Variants in LRRN4 observed in about 807,000 individuals in gnomAD.
LRRN4 encodes the protein leucine-rich repeat neuronal protein 4.
In LRRN4, 26 loss-of-function variants were observed where a neutral mutation model predicts 22.3. The observed-to-expected ratio is 1.16, with a 90% CI of 0.85 to 1.62. The LOEUF (loss-of-function observed/expected upper bound fraction) is 1.62, where lower values mean the gene tolerates loss of function less well. Among genes scored for constraint, LRRN4 ranks in the 40% most tolerant of loss-of-function variants. The probability of loss-of-function intolerance (pLI) is 0.00; values close to 1 mark genes in which losing one functional copy is unlikely to be tolerated. For synonymous variants in LRRN4, 496 were observed against 486.2 expected (o/e 1.02, Z -0.26); for missense variants, 1,070 against 1,008.5 (o/e 1.06, Z -0.83).
At position 6,052,195 on chromosome 20, in the gene LRRN4, G is replaced by C. The variant is rs1361060239; in HGVS notation, c.605C>G (p.Pro202Arg). The change falls in exon 2 of 5, where the codon CCC becomes CGC. Residue 202 changes from proline (P) to arginine (R), a missense_variant. Pro to Arg is a moderately radical substitution (Grantham distance 103). Coordinates refer to ENST00000378858, the MANE Select transcript of LRRN4 (RefSeq NM_152611.5). ...ATCCAGGACTTCGAGCGTGACCAGG[G>C]GCGCGCCATCCTCTCCAGCGAACGC... Reference protein sequence around the residue: ...EAAFAGEDGAPLVTLEVLDLS... With the variant: ...EAAFAGEDGARLVTLEVLDLS... The C allele has an allele frequency of 6.3e-7, 1 of 1,596,814 alleles. No individual in the cohort carries two copies. The highest frequency in any genetic ancestry group is 1.1e-5 in the South Asian group (1 of 88,158).
chr20:6,041,444 A>G lies in LRRN4; in HGVS notation c.1801T>C (p.Cys601Arg). Residue 601 changes from cysteine to arginine, a missense_variant, in exon 5 of 5, where the codon TGT (cysteine) becomes CGT (arginine). By Grantham distance (180) the Cys-to-Arg change is radical (BLOSUM62 -3). Transcript: ENST00000378858. This position sits in a 1 kb window ranked among gnomAD's most constrained non-coding sequence, Gnocchi z 9.4. The part of the protein sequence containing the change: ...TTDTSALVHW[C>R]APNSVVHGYQ... ...CCATGCACTACCGAGTTGGGGGCAC[A>G]CCAGTGGACCAGCGCCGACGTGTCC... 6.4e-7 allele frequency: 1 copy of G among 1,553,382 alleles called. No individual in the cohort carries two copies. The highest frequency in any genetic ancestry group is 8.7e-7 in the Non-Finnish European group (1 of 1,148,082).
chr20:6,048,625 G>A (rs1207663884), intron 3 of LRRN4, among the ~76,000 whole-genome samples: 2 of 152,210 alleles, frequency 1.3e-5, no homozygotes, highest in East Asian at 3.8e-4. Flanking sequence ...TGCTGCAAGA[G>A]TAAATACTTC....
chr20:6,047,475 C>T lies in LRRN4; in HGVS notation c.861-2795G>A, dbSNP rs577321230. On this transcript the variant is annotated intron_variant, in intron 3 of 4. Transcript: ENST00000378858. Reference sequence around the variant, plus strand: ...ACACACACACACACACACAGAGACACACACCACTCTTCTGGTAAGAGTGGA... The same window carrying T: ...ACACACACACACACACACAGAGACATACACCACTCTTCTGGTAAGAGTGGA... Among the ~76,000 whole-genome samples, 59 of 151,462 alleles carry T rather than the reference C, an allele frequency of 3.9e-4. No homozygotes were observed. In the East Asian group the frequency reaches 7.4e-3, roughly 19 times the overall value.
chr20:6,052,725 G>A lies in LRRN4; in HGVS notation c.75C>T (p.Val25=). The A allele has an allele frequency of 6.4e-7, 1 of 1,571,230 alleles. No individual in the cohort carries two copies. Among genetic ancestry groups the A allele is most frequent in the Non-Finnish European group, 8.6e-7 (1 of 1,166,118 alleles). Reference sequence around the variant, plus strand: ...CCTGCTGAGTGACCCGGAAGAGCGGGACCTTCTCCTGGGGAGGGTCTGCCC... The same window carrying A: ...CCTGCTGAGTGACCCGGAAGAGCGGAACCTTCTCCTGGGGAGGGTCTGCCC... The part of the protein sequence containing the change: ...PSWADPPQEK[V]PLFRVTQQGP... The change falls in exon 2 of 5, where the codon GTC becomes GTT. Residue 25 remains valine, a synonymous_variant. Transcript: ENST00000378858.
At chr20:6,044,807 AC>A in intron 3 of LRRN4, 127 bp from the exon 4 acceptor site, 1 of 854,822 alleles carries the variant, frequency 1.2e-6, no homozygotes, top group Non-Finnish European at 1.6e-6. Flanking sequence ...GTTGGAGAAT[AC>A]CGCTTTGGGC....
rs369201816 is a variant in LRRN4, at chr20:6,052,448, G to T, written c.352C>A (p.Pro118Thr). ...HNRIAALRWG[P>T]GGPAGLHTLD... Reference sequence around the variant, plus strand: ...GTGTGCAGCCCCGCCGGCCCACCCGGGCCCCAGCGCAGCGCGGCGATGCGG... The same window carrying T: ...GTGTGCAGCCCCGCCGGCCCACCCGTGCCCCAGCGCAGCGCGGCGATGCGG... The change falls in exon 2 of 5, where the codon CCG becomes ACG. Residue 118 changes from proline (P) to threonine (T), a missense_variant. Coordinates refer to ENST00000378858, the MANE Select transcript of LRRN4 (RefSeq NM_152611.5). 5.3e-4 allele frequency: 816 copies of T among 1,553,318 alleles called. No homozygotes were observed. The highest frequency in any genetic ancestry group is 6.9e-4 in the Non-Finnish European group (800 of 1,158,572).
chr20:6,041,822 A>G lies in LRRN4; in HGVS notation c.1423T>C (p.Ser475Pro). The change falls in exon 5 of 5, where the codon TCC (serine) becomes CCC (proline). Residue 475 changes from serine to proline, a missense_variant. By Grantham distance (74) the Ser-to-Pro change is moderately conservative. Coordinates refer to ENST00000378858, the MANE Select transcript of LRRN4 (RefSeq NM_152611.5). This position sits in a 1 kb window ranked among gnomAD's most constrained non-coding sequence, Gnocchi z 9.4. Reference sequence around the variant, plus strand: ...AGGAGCTTGCTGGCCAGTGGGGTGGAGGCAGCTGAGATATCAGGCTCAAGG... The same window carrying G: ...AGGAGCTTGCTGGCCAGTGGGGTGGGGGCAGCTGAGATATCAGGCTCAAGG... ...LVLEPDISAA[S>P]TPLASKLLGP... 1 of 1,614,056 alleles carries G rather than the reference A, an allele frequency of 6.2e-7. No individual in the cohort carries two copies. Among genetic ancestry groups the G allele is most frequent in the South Asian group, 1.1e-5 (1 of 91,076 alleles).
At position 6,053,912 on chromosome 20, in the gene LRRN4, C is replaced by G. The variant is rs1981326099; in HGVS notation, c.-88G>C. ...TTTGTTTTATAGATTCTAGGGACCA[C>G]TGATTTGGACAGCAACTCAGCTATG... On this transcript the variant is annotated 5_prime_UTR_variant, in exon 1 of 5. Coordinates refer to ENST00000378858, the MANE Select transcript of LRRN4 (RefSeq NM_152611.5). The G allele has an allele frequency of 6.6e-6, 1 of 152,256 alleles. No homozygotes were observed. The highest frequency in any genetic ancestry group is 2.4e-5 in the African/African-American group (1 of 41,448). 9.4% of individuals were successfully genotyped at this position (152,256 alleles called of 1,614,324 possible). A position where few individuals can be genotyped will look rare whatever the true frequency, so the allele number is the denominator to read the frequency against.
chr20:6,050,743 A>G, intron 3 of LRRN4, 36 bp downstream of exon 3: 2 of 1,590,584 alleles, frequency 1.3e-6, no homozygotes, highest in Non-Finnish European at 1.7e-6. Context: ...GGCAAAAATC[A>G]GTCATGTGAT....
intron 3 of LRRN4, among the ~76,000 whole-genome samples, chr20:6,048,115 C>T (rs375367452): frequency 2.0e-5 from 3 of 152,120 alleles, no homozygotes; most frequent in Non-Finnish European, 2.9e-5. Context: ...TGCCAAATCC[C>T]GTGGTCACCC....
chr20:6,051,509 G>A (rs144126851), intron 2 of LRRN4, among the ~76,000 whole-genome samples: 3 of 152,272 alleles, frequency 2.0e-5, no homozygotes, highest in African/African-American at 7.2e-5. Context: ...TGATGAAACA[G>A]GTGGTTGTAG....
In LRRN4 at chr20:6,047,430, A is replaced by T. The variant is rs6117046; in HGVS notation, c.861-2750T>A. On this transcript the variant is annotated intron_variant, in intron 3 of 4. Coordinates refer to ENST00000378858, the MANE Select transcript of LRRN4 (RefSeq NM_152611.5). The stretch of plus-strand genomic sequence containing the variant: ...GTTAAAGAAGCAGACACACATACAC[A>T]CACACACACACACACACACACACAC... Among the ~76,000 whole-genome samples the T allele has an allele frequency of 5.7e-3, 504 of 88,208 alleles. 4 individuals are homozygous for T. The highest frequency in any genetic ancestry group is 0.014 in the South Asian group (52 of 3,652). 57.9% of individuals were successfully genotyped at this position (88,208 alleles called of 152,430 possible).
intron 3 of LRRN4, among the ~76,000 whole-genome samples, chr20:6,048,758 G>A (rs1375045783): frequency 6.6e-6 from 1 of 152,146 alleles, no homozygotes; most frequent in Admixed American, 6.5e-5. Flanking sequence ...GTGATTCTGG[G>A]GCTCATCAGA....
At chr20:6,047,630 C>CGAA (rs1981138125) in intron 3 of LRRN4, among the ~76,000 whole-genome samples, 2 of 141,278 alleles carry the variant, frequency 1.4e-5, no homozygotes, top group Admixed American at 7.1e-5. Flanking sequence ...ACTAAAAATA[C>CGAA]AAAAAAAAAA....
Position 6,041,785 on chromosome 20 carries a change from G to A in LRRN4, c.1460C>T (p.Pro487Leu), listed in dbSNP as rs1246666688. The A allele has an allele frequency of 6.2e-7, 1 of 1,614,174 alleles. No homozygotes were observed. The highest frequency in any genetic ancestry group is 2.2e-5 in the East Asian group (1 of 44,872). ...PLASKLLGPF[P>L]TSWDRSISSP... ...GCTTATGCTGCGGTCCCACGAGGTA[G>A]GGAAGGGGCCCAGGAGCTTGCTGGC... The change falls in exon 5 of 5, where the codon CCT becomes CTT. Residue 487 changes from proline to leucine, a missense_variant. Transcript: ENST00000378858. The surrounding 1 kb of genome is among the most constrained non-coding windows in gnomAD (Gnocchi z 9.4).
At position 6,041,135 on chromosome 20, in the gene LRRN4, A is replaced by C; in HGVS notation, c.2110T>G (p.Cys704Gly). 6.2e-7 allele frequency: 1 copy of C among 1,610,592 alleles called. No homozygotes were observed. Among genetic ancestry groups the C allele is most frequent in the Non-Finnish European group, 8.5e-7 (1 of 1,178,548 alleles). ...AGCGTCTGGCCCCGCCTGCAGAGAC[A>C]TGCGGACAGCACCACGGTGCTGGCG... Reference protein sequence around the residue: ...LLASTVVLSACLCRRGQTLGL... With the variant: ...LLASTVVLSAGLCRRGQTLGL... The change falls in exon 5 of 5, where the codon TGT (cysteine) becomes GGT (glycine). Residue 704 changes from cysteine (C) to glycine (G), a missense_variant. Cys to Gly is a radical substitution (Grantham distance 159, BLOSUM62 -3). Transcript: ENST00000378858. This position sits in a 1 kb window ranked among gnomAD's most constrained non-coding sequence, Gnocchi z 9.4.
In LRRN4 at chr20:6,052,147, C is replaced by G. The variant is rs763404936; in HGVS notation, c.653G>C (p.Arg218Pro). The change falls in exon 2 of 5, where the codon CGG becomes CCG. Residue 218 changes from arginine to proline, a missense_variant and splice_region_variant. By Grantham distance (103) the Arg-to-Pro change is moderately radical. Coordinates refer to ENST00000378858, the MANE Select transcript of LRRN4 (RefSeq NM_152611.5). Reference sequence around the variant, plus strand: ...AAACGCGGGGCGCCCGGACTCACCCCGTTCAAGGAACGTGCCGCTGAGATC... The same window carrying G: ...AAACGCGGGGCGCCCGGACTCACCCGGTTCAAGGAACGTGCCGCTGAGATC... ...VLDLSGTFLE[R>P]VESGWIRDLP... The G allele has an allele frequency of 6.3e-6, 10 of 1,591,946 alleles. No homozygotes were observed. Among genetic ancestry groups the G allele is most frequent in the Non-Finnish European group, 8.5e-6 (10 of 1,170,298 alleles).
At position 6,042,231 on chromosome 20, in the gene LRRN4, CAT is replaced by C. The variant is rs766407477; in HGVS notation, c.1012_1013del (p.Met338ValfsTer73). The C allele has an allele frequency of 6.8e-5, 110 of 1,611,148 alleles. No individual in the cohort carries two copies. In the Middle Eastern group the frequency reaches 8.5e-4, roughly 13 times the overall value. On this transcript the variant is annotated frameshift_variant, in exon 5 of 5. Coordinates refer to ENST00000378858, the MANE Select transcript of LRRN4 (RefSeq NM_152611.5). LOFTEE classifies it low-confidence loss of function (END_TRUNC). Reference protein sequence around the residue: ...RTVLSRAADTMCAPAAGSSGP... With the variant: ...RTVLSRAADTXCAPAAGSSGP... ...CGCTGGATCCCGCAGCTGGCGCGCACATAGTGTCTGCTGCCCTGGAGGGGAGG... is the reference window on the plus strand; with the variant it reads ...CGCTGGATCCCGCAGCTGGCGCGCACAGTGTCTGCTGCCCTGGAGGGGAGG...
Position 6,052,573 on chromosome 20 carries a change from G to A in LRRN4, c.227C>T (p.Thr76Ile), listed in dbSNP as rs1159895868. The A allele has an allele frequency of 6.3e-7, 1 of 1,581,370 alleles. No homozygotes were observed. The highest frequency in any genetic ancestry group is 8.5e-7 in the Non-Finnish European group (1 of 1,172,336). The change falls in exon 2 of 5, where the codon ACA becomes ATA. Residue 76 changes from threonine to isoleucine, a missense_variant. Physicochemically the swap from Thr to Ile is moderately conservative, Grantham distance 89. Coordinates refer to ENST00000378858, the MANE Select transcript of LRRN4 (RefSeq NM_152611.5). ...LERLPGCLPR[T>I]LRSLDASHNL... is the part of the protein sequence containing the mutation. ...GTGGCTGGCGTCGAGGCTGCGCAGT[G>A]TGCGCGGTAGGCAGCCGGGCAGGCG... is the stretch of plus-strand genomic sequence containing the variant.
Sources: gnomAD v4.1 joint callset for allele counts (sites outside exome capture counted in the v4.1 genomes callset) on GRCh38, gnomAD v4.1.1 for gene constraint, Gnocchi (gnomAD v3.1) non-coding constraint, MANE v1.5 for transcripts, NCBI Gene and HGNC (gene_info 2026-07-23, HGNC 2026-07-21) for gene names.